Variants in LPXN observed in about 807,000 individuals in gnomAD.
The protein encoded by LPXN is leupaxin.
A neutral mutation model predicts 45.6 loss-of-function variants in LPXN; 28 were observed. That is an observed-to-expected ratio of 0.61 (90% CI 0.45 to 0.84). The LOEUF is 0.84. LPXN is among the 40% of genes least tolerant of loss of function. LPXN has a pLI of 0.00. For missense variants in LPXN, 459 were observed against 475.0 expected (o/e 0.97, Z 0.31); for synonymous variants, 166 against 169.9 (o/e 0.98, Z 0.18).
chr11:58,537,053 A>AT (rs1235766016), intron 7 of LPXN, among the ~76,000 whole-genome samples: 2 of 151,642 alleles, frequency 1.3e-5, no homozygotes, highest in African/African-American at 4.8e-5. Context: ...ATGCTTTTAC[A>AT]CTGTTGGTGG....
chr11:58,573,900 T>G (rs911783783), intron 1 of LPXN, among the ~76,000 whole-genome samples: 1 of 152,210 alleles, frequency 6.6e-6, no homozygotes, highest in African/African-American at 2.4e-5. Flanking sequence ...TGGTTCCTCT[T>G]TATCTATCAT....
At chr11:58,566,886 A>T (rs1854542233) in intron 2 of LPXN, among the ~76,000 whole-genome samples, 2 of 152,182 alleles carry the variant, frequency 1.3e-5, no homozygotes, top group South Asian at 4.1e-4. Context: ...CCAATTGATG[A>T]CATGCAACAC....
intron 7 of LPXN, among the ~76,000 whole-genome samples, chr11:58,541,888 T>C (rs1209813747): frequency 2.0e-5 from 3 of 152,132 alleles, no homozygotes; most frequent in African/African-American, 4.8e-5. Flanking sequence ...ATGTCCTTTG[T>C]AGGGACATGG....
chr11:58,533,469 G>A (rs1392440823), intron 7 of LPXN, among the ~76,000 whole-genome samples: 1 of 152,198 alleles, frequency 6.6e-6, no homozygotes, highest in East Asian at 1.9e-4. Context: ...ACAAGCAAAT[G>A]CTGAGAGACT....
chr11:58,546,207 G>A (rs1853872156), intron 7 of LPXN, among the ~76,000 whole-genome samples: 1 of 152,112 alleles, frequency 6.6e-6, no homozygotes, highest in African/African-American at 2.4e-5. Context: ...CTCCACAGAT[G>A]GGAGAGGCCA....
chr11:58,536,877 CATTT>C (rs774684860), intron 7 of LPXN, among the ~76,000 whole-genome samples: 23 of 151,472 alleles, frequency 1.5e-4, no homozygotes, highest in Admixed American at 5.9e-4. Context: ...CAAAAGAAGA[CATTT>C]ATGTAGCCAA....
intron 3 of LPXN, 40 bp downstream of exon 3, chr11:58,564,114 TA>T (rs771558072): frequency 8.0e-7 from 1 of 1,247,690 alleles, no homozygotes; most frequent in Admixed American, 2.1e-5. Context: ...AATTATCTAC[TA>T]ACTTTAATTT....
intron 7 of LPXN, among the ~76,000 whole-genome samples, chr11:58,530,111 G>A (rs987686709): frequency 3.9e-5 from 6 of 152,208 alleles, no homozygotes; most frequent in Non-Finnish European, 8.8e-5. Flanking sequence ...CTGGGCGGCT[G>A]TATGGGCAAA....
Position 58,575,839 on chromosome 11 carries a change from G to C in LPXN, c.-67C>G. 1 of 1,614,070 alleles carries C rather than the reference G, an allele frequency of 6.2e-7. No individual in the cohort carries two copies. The highest frequency in any genetic ancestry group is 1.3e-5 in the African/African-American group (1 of 75,030). ...AACAGCTTTGGCATGTGCTGAAGAA[G>C]AGGACCGCAAAGGAACTGGATGAGA... On this transcript the variant is annotated 5_prime_UTR_variant, in exon 1 of 9. Transcript: ENST00000395074.
rs1353753747 is a variant in LPXN at position 58,551,179 on chromosome 11, G to C, written c.372C>G (p.His124Gln). The C allele has an allele frequency of 6.2e-7, 1 of 1,611,938 alleles. No individual in the cohort carries two copies. The change falls in exon 5 of 9, where the codon CAC (histidine) becomes CAG (glutamine). Residue 124 changes from histidine (H) to glutamine (Q), a missense_variant. Physicochemically the swap from His to Gln is conservative, Grantham distance 24. Coordinates refer to ENST00000395074, the MANE Select transcript of LPXN (RefSeq NM_004811.3). Reference sequence around the variant, plus strand: ...CAAGCATTGAGTCCAGGGAGGCCTTGTGATCCTGCTTGTCTGGTAAGTGCT... The same window carrying C: ...CAAGCATTGAGTCCAGGGAGGCCTTCTGATCCTGCTTGTCTGGTAAGTGCT... ...GKKHLPDKQD[H>Q]KASLDSMLGG...
At position 58,527,340 on chromosome 11, in the gene LPXN, C is replaced by T; in HGVS notation, c.*114G>A. The stretch of plus-strand genomic sequence containing the variant: ...GTTCCTTTATTTGCTCATCACCTTT[C>T]CTTTTTCTATAAGACTATTAAGCAG... On this transcript the variant is annotated 3_prime_UTR_variant, in exon 9 of 9. Transcript: ENST00000395074. 1 of 1,080,992 alleles carries T rather than the reference C, an allele frequency of 9.3e-7. No homozygotes were observed. 67.0% of individuals were successfully genotyped at this position (1,080,992 alleles called of 1,614,324 possible).
chr11:58,551,205 T>G lies in LPXN; in HGVS notation c.346A>C (p.Lys116Gln). The part of the protein sequence containing the change: ...KVAVRADAGK[K>Q]HLPDKQDHKA... The stretch of plus-strand genomic sequence containing the variant: ...TGATCCTGCTTGTCTGGTAAGTGCT[T>G]CTTGCCAGCATCTGCTCTCACTGCA... The change falls in exon 5 of 9, where the codon AAG becomes CAG. Residue 116 changes from lysine to glutamine, a missense_variant. Lys to Gln is a moderately conservative substitution (Grantham distance 53). Coordinates refer to ENST00000395074, the MANE Select transcript of LPXN (RefSeq NM_004811.3). 4 of 1,610,330 alleles carry G rather than the reference T, an allele frequency of 2.5e-6. No individual in the cohort carries two copies. Among genetic ancestry groups the G allele is most frequent in the Non-Finnish European group, 3.4e-6 (4 of 1,178,378 alleles).
chr11:58,553,145 G>A (rs990654904), intron 4 of LPXN, among the ~76,000 whole-genome samples: 32 of 152,074 alleles, frequency 2.1e-4, no homozygotes, highest in African/African-American at 7.2e-4. Flanking sequence ...AGACCAGTCT[G>A]GGCAACATAG....
rs540621058 is a variant in LPXN, at chr11:58,537,942, T to G, written c.743-9751A>C. Among the ~76,000 whole-genome samples the G allele has an allele frequency of 2.4e-3, 252 of 105,682 alleles. 1 individual carries two copies. Among genetic ancestry groups the G allele is most frequent in the Middle Eastern group, 0.017 (2 of 120 alleles). 69.3% of individuals were successfully genotyped at this position (105,682 alleles called of 152,430 possible). A position where few individuals can be genotyped will look rare whatever the true frequency, so the allele number is the denominator to read the frequency against. ...CCCCCCTCCCCCCACCCCACAACAG[T>G]CCCCAGAGTGTGATGTTCCTCTTCC... On this transcript the variant is annotated intron_variant, in intron 7 of 8. Coordinates refer to ENST00000395074, the MANE Select transcript of LPXN (RefSeq NM_004811.3).
intron 2 of LPXN, among the ~76,000 whole-genome samples, chr11:58,565,805 A>T (rs1854511626): frequency 6.6e-6 from 1 of 151,974 alleles, no homozygotes; most frequent in Non-Finnish European, 1.5e-5. Flanking sequence ...GTGTCATGTG[A>T]CCAGACATGG....
chr11:58,548,972 G>T (rs1853955817), intron 7 of LPXN, among the ~76,000 whole-genome samples: 1 of 152,114 alleles, frequency 6.6e-6, no homozygotes, highest in Admixed American at 6.6e-5. Context: ...CAGGGGAGGG[G>T]AAATATGTTA....
At chr11:58,578,817 G>A (rs1320526992), upstream of LPXN, among the ~76,000 whole-genome samples, 4 of 152,016 alleles carry the variant, frequency 2.6e-5, no homozygotes, top group Non-Finnish European at 5.9e-5. Flanking sequence ...CCCTCGCACT[G>A]CCCCTAGCGC....
At chr11:58,571,728 T>C (rs1590590420) in intron 1 of LPXN, among the ~76,000 whole-genome samples, 2 of 151,692 alleles carry the variant, frequency 1.3e-5, no homozygotes, top group East Asian at 3.9e-4. Flanking sequence ...TAAATAATAA[T>C]TAATAAAAAT....
intron 3 of LPXN, among the ~76,000 whole-genome samples, chr11:58,555,221 A>T (rs1263630621): frequency 2.0e-5 from 3 of 152,244 alleles, no homozygotes; most frequent in African/African-American, 7.2e-5. Context: ...ACTAGAATAT[A>T]GAGCAGGCAT....
Sources: allele counts gnomAD v4.1 joint callset (sites outside exome capture counted in the v4.1 genomes callset), GRCh38; gene constraint gnomAD v4.1.1; transcripts MANE v1.5; gene names NCBI Gene and HGNC (gene_info 2026-07-23, HGNC 2026-07-21).